The following GPHN variants were observed in gnomAD, a reference collection of about 807,000 sequenced individuals.
GPHN encodes gephyrin.
A neutral mutation model predicts 95.5 loss-of-function variants in GPHN; 17 were observed. The observed-to-expected ratio is 0.18, with a 90% CI of 0.12 to 0.27. GPHN has a LOEUF of 0.27. Ranked by LOEUF, GPHN falls within the 10% of genes least tolerant of loss-of-function variation. The pLI, the probability that GPHN is intolerant of heterozygous loss-of-function variation, is 1.00. For missense variants in GPHN, 660 were observed against 978.1 expected (o/e 0.67, Z 4.34); for synonymous variants, 320 against 322.5 (o/e 0.99, Z 0.08).
the GPHN span, among the ~76,000 whole-genome samples, chr14:67,251,426 A>T: frequency 5.9e-5 from 9 of 152,122 alleles, no homozygotes; most frequent in African/African-American, 2.2e-4. Context: ...CCAGCTACTC[A>T]GGAGGCTAAA....
At chr14:67,627,093 C>T in the GPHN span, among the ~76,000 whole-genome samples, 8 of 152,072 alleles carry the variant, frequency 5.3e-5, no homozygotes, top group South Asian at 6.2e-4. Context: ...GGTTTCTTTC[C>T]GAAGGGTGAT....
At chr14:66,856,146 A>G (rs1403013691) in intron 4 of GPHN, among the ~76,000 whole-genome samples, 1 of 152,148 alleles carries the variant, frequency 6.6e-6, no homozygotes. Flanking sequence ...TAACAGTTCA[A>G]ATGTAAGGCA....
At chr14:66,673,679 C>A (rs200433434) in intron 1 of GPHN, among the ~76,000 whole-genome samples, 1 of 152,122 alleles carries the variant, frequency 6.6e-6, no homozygotes, top group African/African-American at 2.4e-5. Flanking sequence ...TCATTTATTT[C>A]TTCTCTAACG....
At chr14:66,736,105 T>C (rs528945149) in intron 2 of GPHN, among the ~76,000 whole-genome samples, 15 of 152,306 alleles carry the variant, frequency 9.8e-5, no homozygotes, top group African/African-American at 3.4e-4. Context: ...GGAACAAAGA[T>C]CTACTATATT....
chr14:66,917,917 A>G (rs2065998086), intron 6 of GPHN, among the ~76,000 whole-genome samples: 1 of 152,160 alleles, frequency 6.6e-6, no homozygotes, highest in Non-Finnish European at 1.5e-5. Flanking sequence ...GGGTCTTTCT[A>G]GAAAATCTTA....
chr14:67,098,519 A>C (rs1295667807), intron 12 of GPHN, among the ~76,000 whole-genome samples: 1 of 152,070 alleles, frequency 6.6e-6, no homozygotes, highest in Non-Finnish European at 1.5e-5. Flanking sequence ...AGTAAAAAAA[A>C]AGAAAATGGG....
chr14:66,635,963 T>C (rs10143121), intron 1 of GPHN, among the ~76,000 whole-genome samples: 47,669 of 151,762 alleles, frequency 0.31, 11,481 homozygotes, highest in African/African-American at 0.65. Context: ...ACGGTGAAAC[T>C]CCGTCTCTAC....
chr14:67,272,842 A>G, the GPHN span, among the ~76,000 whole-genome samples: 2 of 151,918 alleles, frequency 1.3e-5, no homozygotes, highest in African/African-American at 2.4e-5. Flanking sequence ...AATTTTTTGC[A>G]TGTTTTTGTA....
intron 2 of GPHN, among the ~76,000 whole-genome samples, chr14:66,761,324 TAAC>T (rs2058745805): frequency 6.6e-6 from 1 of 152,188 alleles, no homozygotes; most frequent in Admixed American, 6.5e-5. Context: ...ATTTGTATAA[TAAC>T]TAGTGACAAA....
chr14:66,565,966 TTC>T (rs1160287100), intron 1 of GPHN, among the ~76,000 whole-genome samples: 1 of 123,368 alleles, frequency 8.1e-6, no homozygotes, highest in African/African-American at 4.9e-5. Flanking sequence ...AAAAAGAAAA[TTC>T]TTTTTTTTTT....
chr14:67,681,022 C>A, the GPHN span, among the ~76,000 whole-genome samples: 5 of 152,100 alleles, frequency 3.3e-5, no homozygotes, highest in African/African-American at 1.2e-4. Context: ...TGTGTTCCCC[C>A]AAAATTAATA....
chr14:66,670,405 A>G (rs945877982), intron 1 of GPHN, among the ~76,000 whole-genome samples: 3 of 152,244 alleles, frequency 2.0e-5, no homozygotes, highest in African/African-American at 7.2e-5. Context: ...AGCCATAGGC[A>G]TATGCTATAT....
chr14:67,224,080 C>A, the GPHN span: 1 of 817,274 alleles, frequency 1.2e-6, no homozygotes, highest in Non-Finnish European at 1.5e-6. Flanking sequence ...ACCATGATCT[C>A]AAATTCATCT....
intron 1 of GPHN, among the ~76,000 whole-genome samples, chr14:66,627,020 G>T (rs2063551098): frequency 6.6e-6 from 1 of 151,944 alleles, no homozygotes; most frequent in Non-Finnish European, 1.5e-5. Flanking sequence ...TATTATAATT[G>T]ACTATAGATC....
chr14:67,184,295 C>T (rs534325140), downstream of GPHN, among the ~76,000 whole-genome samples: 3 of 152,082 alleles, frequency 2.0e-5, no homozygotes, highest in African/African-American at 7.2e-5. Context: ...GACAATAAAA[C>T]CATTAGAGAT....
the GPHN span, among the ~76,000 whole-genome samples, chr14:67,301,809 G>A: frequency 6.6e-6 from 1 of 152,080 alleles, no homozygotes; most frequent in Non-Finnish European, 1.5e-5. Flanking sequence ...ACCCATTCCA[G>A]AGTATGCCCT....
intron 4 of GPHN, among the ~76,000 whole-genome samples, chr14:66,867,982 C>G (rs1003767857): frequency 2.0e-5 from 3 of 152,178 alleles, no homozygotes; most frequent in African/African-American, 7.2e-5. Context: ...CCTAGACATT[C>G]TGAATCAGAA....
chr14:67,174,254 C>T (rs981831889), intron 21 of GPHN, among the ~76,000 whole-genome samples: 15 of 150,106 alleles, frequency 1.0e-4, no homozygotes, highest in Non-Finnish European at 1.6e-4. Context: ...CGACAGGCCC[C>T]AGTGTGTGAT....
the GPHN span, among the ~76,000 whole-genome samples, chr14:67,426,068 T>C: frequency 6.6e-6 from 1 of 151,890 alleles, no homozygotes; most frequent in East Asian, 1.9e-4. Flanking sequence ...AATAACCGGC[T>C]TATCCTGCCT....
Sources: allele counts gnomAD v4.1 joint callset (sites outside exome capture counted in the v4.1 genomes callset), GRCh38; gene constraint gnomAD v4.1.1; transcripts MANE v1.5; gene names NCBI Gene and HGNC (gene_info 2026-07-23, HGNC 2026-07-21).